Variants in MRPL20 observed in about 807,000 individuals in gnomAD.
MRPL20 encodes the protein mitochondrial ribosomal protein L20.
A neutral mutation model predicts 20.0 loss-of-function variants in MRPL20; 21 were observed. That is an observed-to-expected ratio of 1.05 (90% CI 0.74 to 1.51). The LOEUF (loss-of-function observed/expected upper bound fraction) is 1.51, where lower values mean the gene tolerates loss of function less well. MRPL20 is among the 40% of genes most tolerant of loss of function. The pLI is 0.00. For missense variants in MRPL20, 252 were observed against 185.6 expected (o/e 1.36, Z -2.08); for synonymous variants, 104 against 73.0 (o/e 1.43, Z -2.17).
intron 2 of MRPL20, chr1:1,406,688 A>AG (rs1412481410): frequency 4.3e-6 from 2 of 467,316 alleles, no homozygotes. Context: ...GGCCCGGGCG[A>AG]GGGGCTGGAG....
intron 3 of MRPL20, 32 bp downstream of exon 3, chr1:1,405,777 A>G (rs1645377966): frequency 6.2e-7 from 1 of 1,614,140 alleles, no homozygotes; most frequent in African/African-American, 1.3e-5. Context: ...AGATGTCCAG[A>G]ATTTCAGTGG....
At position 1,402,157 on chromosome 1, in the gene MRPL20, C is replaced by T. The variant is rs775815488; in HGVS notation, c.376G>A (p.Glu126Lys). Residue 126 changes from glutamate (E) to lysine (K), a missense_variant, in exon 4 of 4, where the codon GAA (glutamate) becomes AAA (lysine). Physicochemically the swap from Glu to Lys is moderately conservative, Grantham distance 56. Transcript: ENST00000344843. The part of the protein sequence containing the change: ...LAALASRRRH[E>K]GFAAALGDGK... Reference sequence around the variant, plus strand: ...TCCCCCAAGGCAGCAGCAAATCCTTCGTGTCGCCTCCTACTGGCCAAGGCA... The same window carrying T: ...TCCCCCAAGGCAGCAGCAAATCCTTTGTGTCGCCTCCTACTGGCCAAGGCA... 11 of 1,614,030 alleles carry T rather than the reference C, an allele frequency of 6.8e-6. No homozygotes were observed. The highest frequency in any genetic ancestry group is 1.3e-5 in the African/African-American group (1 of 74,932).
rs1281241337 is a variant in MRPL20, at chr1:1,402,141, G to T, written c.392C>A (p.Ala131Asp). The change falls in exon 4 of 4, where the codon GCC becomes GAC. Residue 131 changes from alanine (A) to aspartate (D), a missense_variant. Physicochemically the swap from Ala to Asp is moderately radical, Grantham distance 126. Transcript: ENST00000344843. ...SRRRHEGFAA[A>D]LGDGKEPEGI... ...TTCAGGTTCCTTCCCATCCCCCAAG[G>T]CAGCAGCAAATCCTTCGTGTCGCCT... 6.2e-7 allele frequency: 1 copy of T among 1,614,094 alleles called. No homozygotes were observed. The highest frequency in any genetic ancestry group is 2.2e-5 in the East Asian group (1 of 44,882).
At chr1:1,404,488 G>A (rs1374130533) in intron 3 of MRPL20, among the ~76,000 whole-genome samples, 1 of 151,180 alleles carries the variant, frequency 6.6e-6, no homozygotes, top group Non-Finnish European at 1.5e-5. Context: ...TGAAGTTAAA[G>A]TCAAGTTTTT....
At chr1:1,404,629 T>C (rs1318376213) in intron 3 of MRPL20, among the ~76,000 whole-genome samples, 1 of 150,744 alleles carries the variant, frequency 6.6e-6, no homozygotes, top group Non-Finnish European at 1.5e-5. Context: ...GCCTCCTGAG[T>C]AGCTGGGACT....
intron 2 of MRPL20, 152 bp from the exon 3 acceptor site, chr1:1,406,038 A>G: frequency 8.7e-7 from 1 of 1,151,354 alleles, no homozygotes; most frequent in Non-Finnish European, 1.2e-6. Flanking sequence ...AAGCGAAATC[A>G]AGACCCTGTT....
Position 1,402,203 on chromosome 1 carries a change from T to C in MRPL20, c.330A>G (p.Pro110=), listed in dbSNP as rs372508725. Residue 110 remains proline, a synonymous_variant, in exon 4 of 4, where the codon CCA becomes CCG. Transcript: ENST00000344843. ...AGGCAGCCAAAGATTTGAAAGTCTTTGGCTCGTAGATGGCCAGATCCGCTA... is the reference window on the plus strand; with the variant it reads ...AGGCAGCCAAAGATTTGAAAGTCTTCGGCTCGTAGATGGCCAGATCCGCTA... The part of the protein sequence containing the change: ...KVLADLAIYE[P]KTFKSLAALA... The C allele has an allele frequency of 3.2e-5, 51 of 1,613,918 alleles. No homozygotes were observed. Among genetic ancestry groups the C allele is most frequent in the Non-Finnish European group, 2.4e-5 (28 of 1,180,010 alleles).
At chr1:1,403,464 G>T (rs968493932) in intron 3 of MRPL20, among the ~76,000 whole-genome samples, 2 of 151,794 alleles carry the variant, frequency 1.3e-5, no homozygotes, top group African/African-American at 4.8e-5. Flanking sequence ...GGATGGTCTC[G>T]ATCTCCTGAC....
rs968530886 is a variant in MRPL20, at chr1:1,403,686, T to C, written c.277-1430A>G. Among the ~76,000 whole-genome samples the C allele has an allele frequency of 2.6e-5, 4 of 151,938 alleles. No individual in the cohort carries two copies. In the South Asian group the frequency reaches 6.2e-4, roughly 24 times the overall value. ...CCTCAACCTTTTAGGAAAAACTTAA[T>C]GTACACAAGCAGAGGGACTAGCATA... On this transcript the variant is annotated intron_variant, in intron 3 of 3. Transcript: ENST00000344843.
At position 1,403,179 on chromosome 1, in the gene MRPL20, C is replaced by T. The variant is rs1412585688; in HGVS notation, c.277-923G>A. Among the ~76,000 whole-genome samples the T allele has an allele frequency of 2.6e-5, 4 of 151,674 alleles. No homozygotes were observed. The East Asian group carries it at 7.7e-4, about 29-fold the overall frequency. ...AATTCGGCTACCGAGGACAAAGTGG[C>T]CTACTACCTGTGACCTAACTGTACT... On this transcript the variant is annotated intron_variant, in intron 3 of 3. Transcript: ENST00000344843.
At chr1:1,402,502 C>G (rs1022979529) in intron 3 of MRPL20, 2 of 1,245,650 alleles carry the variant, frequency 1.6e-6, no homozygotes, top group African/African-American at 3.1e-5. Flanking sequence ...GTCCTGATGT[C>G]GGCCCGGGGA....
At chr1:1,404,268 C>T (rs1645362670) in intron 3 of MRPL20, among the ~76,000 whole-genome samples, 1 of 151,926 alleles carries the variant, frequency 6.6e-6, no homozygotes, top group Non-Finnish European at 1.5e-5. Context: ...ATTCTCCTGC[C>T]TCAGCCTCCC....
At chr1:1,402,745 G>A in intron 3 of MRPL20, 1 of 552,890 alleles carries the variant, frequency 1.8e-6, no homozygotes, top group Non-Finnish European at 2.3e-6. Flanking sequence ...CACTTTGGGA[G>A]GCCAAGGCAG....
rs1645333257 is a variant in MRPL20 at position 1,401,933 on chromosome 1, C to T, written c.*150G>A. 2.1e-6 allele frequency: 2 copies of T among 936,598 alleles called. No individual in the cohort carries two copies. Among genetic ancestry groups the T allele is most frequent in the African/African-American group, 1.7e-5 (1 of 60,548 alleles). 58.0% of individuals were successfully genotyped at this position (936,598 alleles called of 1,614,324 possible). On this transcript the variant is annotated 3_prime_UTR_variant, in exon 4 of 4. Transcript: ENST00000344843. ...CTGAAGAGTGTTTGAGTTTCATTCACACAAAACATGGACATCATCTGTGAG... is the reference window on the plus strand; with the variant it reads ...CTGAAGAGTGTTTGAGTTTCATTCATACAAAACATGGACATCATCTGTGAG...
chr1:1,403,578 A>G (rs1225764112), intron 3 of MRPL20, among the ~76,000 whole-genome samples: 1 of 152,080 alleles, frequency 6.6e-6, no homozygotes, highest in Non-Finnish European at 1.5e-5. Flanking sequence ...TTCCCTGAGT[A>G]AAATGGGAAA....
At chr1:1,404,484 T>TA (rs1382134763) in intron 3 of MRPL20, among the ~76,000 whole-genome samples, 5 of 151,514 alleles carry the variant, frequency 3.3e-5, no homozygotes, top group African/African-American at 9.7e-5. Flanking sequence ...ACTTTGAAGT[T>TA]AAAGTCAAGT....
At chr1:1,403,138 AG>A (rs1645348923) in intron 3 of MRPL20, among the ~76,000 whole-genome samples, 1 of 151,468 alleles carries the variant, frequency 6.6e-6, no homozygotes, top group African/African-American at 2.4e-5. Flanking sequence ...AAAAAAAAAA[AG>A]GAACAAAAAC....
Position 1,405,860 on chromosome 1 carries a change from A to T in MRPL20, c.225T>A (p.Ala75=). ...RTLWINRITA[A]SQEHGLKYPA... is the part of the protein sequence containing the mutation. ...GATACTTCAGTCCATGTTCCTGGCTAGCAGCTGTAATTCGATTAATCCAGA... is the reference window on the plus strand; with the variant it reads ...GATACTTCAGTCCATGTTCCTGGCTTGCAGCTGTAATTCGATTAATCCAGA... Residue 75 remains alanine (A), a synonymous_variant, in exon 3 of 4, where the codon GCT becomes GCA. Transcript: ENST00000344843. 1 of 1,613,846 alleles carries T rather than the reference A, an allele frequency of 6.2e-7. No homozygotes were observed.
chr1:1,402,194 G>C lies in MRPL20; in HGVS notation c.339C>G (p.Phe113Leu), dbSNP rs1479810940. The change falls in exon 4 of 4, where the codon TTC becomes TTG. Residue 113 changes from phenylalanine (F) to leucine (L), a missense_variant. Transcript: ENST00000344843. ...ADLAIYEPKT[F>L]KSLAALASRR... is the part of the protein sequence containing the mutation. ...TACTGGCCAAGGCAGCCAAAGATTT[G>C]AAAGTCTTTGGCTCGTAGATGGCCA... 1 of 1,614,054 alleles carries C rather than the reference G, an allele frequency of 6.2e-7. No homozygotes were observed. The highest frequency in any genetic ancestry group is 1.7e-5 in the Admixed American group (1 of 60,022).
Sources: allele counts gnomAD v4.1 joint callset (sites outside exome capture counted in the v4.1 genomes callset), GRCh38; gene constraint gnomAD v4.1.1; transcripts MANE v1.5; gene names NCBI Gene and HGNC (gene_info 2026-07-23, HGNC 2026-07-21).